Variants in RMND5B observed in about 807,000 individuals in gnomAD.
The protein encoded by RMND5B is required for meiotic nuclear division 5 homolog B.
RMND5B carries 42 observed loss-of-function variants against 50.4 expected under a neutral mutation model. The ratio of observed to expected loss-of-function variants is 0.83; its 90% CI spans 0.65 to 1.08. The LOEUF (loss-of-function observed/expected upper bound fraction) is 1.08. RMND5B is among the 50% of genes least tolerant of loss of function. The pLI is 0.00. For synonymous variants in RMND5B, 220 were observed against 210.0 expected, an observed-to-expected ratio of 1.05 and a Z score of -0.41; for missense variants, 463 against 508.5, an observed-to-expected ratio of 0.91 and a Z score of 0.86.
rs375728221 is a variant in RMND5B at position 178,138,272 on chromosome 5, C to G, written c.139+14C>G. 3 of 1,611,444 alleles carry G rather than the reference C, an allele frequency of 1.9e-6. No homozygotes were observed. In the African/African-American group the frequency reaches 4.0e-5, roughly 22 times the overall value. ...TGGCCAGCGCAGGTGGGTGGCCACC[C>G]TTGCAAGTGCCCTGCGACAGCCTCC... On this transcript the variant is annotated intron_variant, in intron 3 of 10. Coordinates refer to ENST00000313386, the MANE Select transcript of RMND5B (RefSeq NM_022762.5). This position sits in a 1 kb window ranked among gnomAD's most constrained non-coding sequence, Gnocchi z 5.1.
chr5:178,142,408 C>G (rs1758991776), intron 3 of RMND5B, 175 bp from the exon 4 acceptor site: 1 of 735,316 alleles, frequency 1.4e-6, no homozygotes, highest in Non-Finnish European at 2.3e-6. Flanking sequence ...TGAGCAGTTC[C>G]AAGTCAGACA....
chr5:178,134,330 T>C (rs1006230210), intron 2 of RMND5B, among the ~76,000 whole-genome samples: 3 of 152,198 alleles, frequency 2.0e-5, no homozygotes, highest in Non-Finnish European at 4.4e-5. Flanking sequence ...GGGAACAACT[T>C]GTGCAAAGGA....
rs1322923847 is a variant in RMND5B, at chr5:178,148,377, A to C, written c.*345A>C. 1 of 374,152 alleles carries C rather than the reference A, an allele frequency of 2.7e-6. No homozygotes were observed. Among genetic ancestry groups the C allele is most frequent in the Non-Finnish European group, 5.1e-6 (1 of 197,320 alleles). The allele number at this position is 374,152 out of a possible 1,614,324, so 23.2% of individuals were successfully genotyped here. On this transcript the variant is annotated 3_prime_UTR_variant, in exon 11 of 11. Coordinates refer to ENST00000313386, the MANE Select transcript of RMND5B (RefSeq NM_022762.5). ...CATCCTTCCACCCCTGCCCTCAGCC[A>C]AGTCTCTTGCTGCCATGCCAATGCT...
At position 178,148,174 on chromosome 5, in the gene RMND5B, A is replaced by C; in HGVS notation, c.*142A>C. 2 of 792,120 alleles carry C rather than the reference A, an allele frequency of 2.5e-6. No individual in the cohort carries two copies. Among genetic ancestry groups the C allele is most frequent in the Non-Finnish European group, 4.2e-6 (2 of 474,700 alleles). The allele number at this position is 792,120 out of a possible 1,614,324, so 49.1% of individuals were successfully genotyped here. ...GTTCCACTGAGGGGAGCACTGGAGC[A>C]GCCCTTTGGCAGAGGCTGAGGAGGG... On this transcript the variant is annotated 3_prime_UTR_variant, in exon 11 of 11. Transcript: ENST00000313386.
Position 178,147,614 on chromosome 5 carries a change from G to C in RMND5B, c.942G>C (p.Trp314Cys). ...VIEQRQCTGV[W>C]NHKDELPIEI... ...AGCAGCGGCAGTGCACTGGGGTCTG[G>C]AATCACAAGGACGAGTTACCGGTGA... The change falls in exon 9 of 11, where the codon TGG (tryptophan) becomes TGC (cysteine). Residue 314 changes from tryptophan (W) to cysteine (C), a missense_variant. Trp to Cys is a radical substitution (Grantham distance 215). Transcript: ENST00000313386. 1.2e-6 allele frequency: 2 copies of C among 1,614,184 alleles called. No homozygotes were observed. Among genetic ancestry groups the C allele is most frequent in the Non-Finnish European group, 1.7e-6 (2 of 1,180,028 alleles).
chr5:178,143,973 G>A lies in RMND5B; in HGVS notation c.559G>A (p.Glu187Lys), dbSNP rs1043248180. The change falls in exon 7 of 11, where the codon GAA (glutamate) becomes AAA (lysine). Residue 187 changes from glutamate to lysine, a missense_variant. Transcript: ENST00000313386. ...WAVSHRQRLLELNSSLEFKLH... is the reference protein window; with the variant it reads ...WAVSHRQRLLKLNSSLEFKLH... ...CGTCTCCCACAGGCAGCGCCTGCTG[G>A]AACTCAACAGCTCCCTGGAGTTCAA... 2 of 1,614,250 alleles carry A rather than the reference G, an allele frequency of 1.2e-6. No homozygotes were observed. Among genetic ancestry groups the A allele is most frequent in the South Asian group, 1.1e-5 (1 of 91,088 alleles).
Position 178,138,183 on chromosome 5 carries a change from G to A in RMND5B, c.64G>A (p.Gly22Arg), listed in dbSNP as rs777091341. Residue 22 changes from glycine (G) to arginine (R), a missense_variant, in exon 3 of 11, where the codon GGG (glycine) becomes AGG (arginine). By Grantham distance (125) the Gly-to-Arg change is moderately radical. Coordinates refer to ENST00000313386, the MANE Select transcript of RMND5B (RefSeq NM_022762.5). The surrounding 1 kb of genome is among the most constrained non-coding windows in gnomAD (Gnocchi z 5.1). ...GGTCCTGCAGAAGTTCCTGACCTAC[G>A]GGCAGCACTGTGAGCGGAGCCTGGA... ...DKVLQKFLTYGQHCERSLEEL... is the reference protein window; with the variant it reads ...DKVLQKFLTYRQHCERSLEEL... 3.7e-6 allele frequency: 6 copies of A among 1,613,682 alleles called. No individual in the cohort carries two copies. The highest frequency in any genetic ancestry group is 1.3e-5 in the African/African-American group (1 of 74,906).
At chr5:178,140,039 C>T (rs1447695160) in intron 3 of RMND5B, among the ~76,000 whole-genome samples, 2 of 152,146 alleles carry the variant, frequency 1.3e-5, no homozygotes, top group Non-Finnish European at 2.9e-5. Flanking sequence ...TTTTGCAGAA[C>T]GTCTCTCAAT....
rs146424436 is a variant in RMND5B at position 178,148,018 on chromosome 5, C to T, written c.1168C>T (p.Arg390Cys). Residue 390 changes from arginine to cysteine, a missense_variant, in exon 11 of 11, where the codon CGC becomes TGC. Coordinates refer to ENST00000313386, the MANE Select transcript of RMND5B (RefSeq NM_022762.5). ...PMEQNPADGK[R>C]IIF ...GGAGCAGAACCCGGCAGATGGGAAA[C>T]GCATCATATTCTGATTCCTACCTGG... 5.8e-5 allele frequency: 93 copies of T among 1,613,896 alleles called. No homozygotes were observed. Among genetic ancestry groups the T allele is most frequent in the Non-Finnish European group, 7.4e-5 (87 of 1,180,008 alleles).
At chr5:178,136,831 C>T (rs1248990554) in intron 2 of RMND5B, among the ~76,000 whole-genome samples, 1 of 151,838 alleles carries the variant, frequency 6.6e-6, no homozygotes, top group Non-Finnish European at 1.5e-5. Flanking sequence ...GGAGCAGTGG[C>T]CCAGGGTAGA....
intron 8 of RMND5B, 30 bp from the exon 9 acceptor site, chr5:178,147,503 G>A (rs1371260888): frequency 6.3e-7 from 1 of 1,596,034 alleles, no homozygotes; most frequent in Non-Finnish European, 8.6e-7. Flanking sequence ...TGTGATCTGA[G>A]CCACTCTAGC....
intron 3 of RMND5B, among the ~76,000 whole-genome samples, chr5:178,139,553 T>TC (rs1474650021): frequency 1.3e-5 from 2 of 149,890 alleles, no homozygotes; most frequent in East Asian, 4.0e-4. Flanking sequence ...GAATTTTTTT[T>TC]TTTTTTTGAT....
At position 178,150,379 on chromosome 5, in the gene RMND5B, C is replaced by A; in HGVS notation, c.*2347C>A. 3.8e-6 allele frequency: 1 copy of A among 259,790 alleles called. No homozygotes were observed. Among genetic ancestry groups the A allele is most frequent in the Non-Finnish European group, 7.4e-6 (1 of 134,318 alleles). 16.1% of individuals were successfully genotyped at this position (259,790 alleles called of 1,614,324 possible). The stretch of plus-strand genomic sequence containing the variant: ...GTAGGTACCCAAGATCCACCCCCAG[C>A]CTCTATTTTTTTTTTTTGAGACAGG... On this transcript the variant is annotated 3_prime_UTR_variant, in exon 11 of 11. Coordinates refer to ENST00000313386, the MANE Select transcript of RMND5B (RefSeq NM_022762.5).
chr5:178,135,670 G>A (rs1204845060), intron 2 of RMND5B, among the ~76,000 whole-genome samples: 8 of 152,116 alleles, frequency 5.3e-5, no homozygotes, highest in Admixed American at 2.0e-4. Flanking sequence ...TCCTTCCTCA[G>A]CTTTGTAAAT....
chr5:178,131,524 T>C (rs1758299500), intron 2 of RMND5B, 148 bp downstream of exon 2: 1 of 151,526 alleles, frequency 6.6e-6, no homozygotes, highest in South Asian at 2.1e-4. Flanking sequence ...CCCTCCAGTT[T>C]TGGTTAATGA....
intron 4 of RMND5B, 57 bp downstream of exon 4, chr5:178,142,785 C>A: frequency 6.2e-7 from 1 of 1,614,226 alleles, no homozygotes; most frequent in African/African-American, 1.3e-5. Context: ...CTGGGATGTA[C>A]AAGGACTCGA....
intron 3 of RMND5B, among the ~76,000 whole-genome samples, chr5:178,139,310 A>ATTCTC (rs1260010249): frequency 2.0e-5 from 3 of 151,332 alleles, no homozygotes; most frequent in African/African-American, 7.3e-5. Context: ...GGTTCAAGCA[A>ATTCTC]TTCTCGTGCC....
rs775494404 is a variant in RMND5B at position 178,142,633 on chromosome 5, T to C, written c.190T>C (p.Cys64Arg). The C allele has an allele frequency of 6.2e-7, 1 of 1,614,202 alleles. No homozygotes were observed. Among genetic ancestry groups the C allele is most frequent in the African/African-American group, 1.3e-5 (1 of 75,064 alleles). The change falls in exon 4 of 11, where the codon TGC becomes CGC. Residue 64 changes from cysteine to arginine, a missense_variant. Transcript: ENST00000313386. ...CACCCTCTCTCTGGTGATGTCACAG[T>C]GCTGCCGGAAGATCAAAGATACGGT... ...SATLSLVMSQ[C>R]CRKIKDTVQK... is the part of the protein sequence containing the mutation.
intron 3 of RMND5B, 81 bp from the exon 4 acceptor site, chr5:178,142,502 T>C: frequency 6.7e-7 from 1 of 1,489,582 alleles, no homozygotes; most frequent in Non-Finnish European, 9.1e-7. Context: ...GGGGCTGGCA[T>C]TTAGAATAGA....
Sources: gnomAD v4.1 joint callset for allele counts (sites outside exome capture counted in the v4.1 genomes callset) on GRCh38, gnomAD v4.1.1 for gene constraint, Gnocchi (gnomAD v3.1) non-coding constraint, MANE v1.5 for transcripts, NCBI Gene and HGNC (gene_info 2026-07-23, HGNC 2026-07-21) for gene names.